Variants in GRID2 observed in about 807,000 individuals in gnomAD.
GRID2 encodes the protein glutamate receptor ionotropic, delta-2.
GRID2 carries 33 observed loss-of-function variants against 114.8 expected under a neutral mutation model. That is an observed-to-expected ratio of 0.29 (90% confidence interval 0.22 to 0.38). The LOEUF (loss-of-function observed/expected upper bound fraction) is 0.38, where lower values mean the gene tolerates loss of function less well. GRID2 is among the 10% of genes least tolerant of loss of function. The pLI, the probability that GRID2 is intolerant of heterozygous loss-of-function variation, is 1.00. For synonymous variants in GRID2, 505 were observed against 449.9 expected (o/e 1.12, Z -1.55); for missense variants, 1,184 against 1,257.7 (o/e 0.94, Z 0.89).
chr4:92,823,420 CTT>C (rs1360965423), intron 2 of GRID2, among the ~76,000 whole-genome samples: 3 of 152,108 alleles, frequency 2.0e-5, no homozygotes, highest in Admixed American at 1.3e-4. Flanking sequence ...ACATTAATAA[CTT>C]ATTGAATCCG....
intron 1 of GRID2, among the ~76,000 whole-genome samples, chr4:92,375,935 AT>A (rs904009092): frequency 6.1e-4 from 90 of 147,546 alleles, no homozygotes; most frequent in Admixed American, 2.4e-3. Context: ...GCTTACTGAT[AT>A]TTTTTTGAAA....
At chr4:92,558,588 C>A (rs898849490) in intron 1 of GRID2, among the ~76,000 whole-genome samples, 1 of 152,158 alleles carries the variant, frequency 6.6e-6, no homozygotes, top group Admixed American at 6.6e-5. Context: ...TCCAACAAGA[C>A]ATCCCTGGTG....
At chr4:92,369,737 C>T (rs1171551747) in intron 1 of GRID2, among the ~76,000 whole-genome samples, 1 of 152,060 alleles carries the variant, frequency 6.6e-6, no homozygotes, top group Non-Finnish European at 1.5e-5. Flanking sequence ...CATAGAACCA[C>T]ATAGAATTGA....
chr4:93,780,116 G>A (rs941349805), intron 1 of GRID2, among the ~76,000 whole-genome samples: 2 of 152,196 alleles, frequency 1.3e-5, no homozygotes, highest in Non-Finnish European at 2.9e-5. Context: ...GAGGTGGTAA[G>A]TGCTGTGGAG....
At chr4:92,539,743 T>C (rs2149161171) in intron 1 of GRID2, among the ~76,000 whole-genome samples, 1 of 152,298 alleles carries the variant, frequency 6.6e-6, no homozygotes, top group African/African-American at 2.4e-5. Context: ...TAGCTGTCCA[T>C]GAACTGGATC....
At chr4:92,914,058 T>G (rs929299908) in intron 2 of GRID2, among the ~76,000 whole-genome samples, 3 of 152,166 alleles carry the variant, frequency 2.0e-5, no homozygotes, top group African/African-American at 7.2e-5. Flanking sequence ...TGAATTACAT[T>G]AGTTTTATTA....
intron 13 of GRID2, among the ~76,000 whole-genome samples, chr4:93,606,246 G>A (rs923423403): frequency 3.3e-5 from 5 of 151,826 alleles, no homozygotes; most frequent in African/African-American, 7.3e-5. Flanking sequence ...CAACCTGGGC[G>A]ACAAAGAGAG....
chr4:92,332,544 G>A (rs1726949466), intron 1 of GRID2, among the ~76,000 whole-genome samples: 1 of 151,968 alleles, frequency 6.6e-6, no homozygotes, highest in African/African-American at 2.4e-5. Context: ...TCATCCTATA[G>A]TCCCCCAAAT....
intron 2 of GRID2, among the ~76,000 whole-genome samples, chr4:93,013,754 T>G (rs1455298021): frequency 6.6e-6 from 1 of 152,016 alleles, no homozygotes; most frequent in Non-Finnish European, 1.5e-5. Flanking sequence ...TAATCATTCT[T>G]AATCAGAATT....
intron 12 of GRID2, among the ~76,000 whole-genome samples, chr4:93,504,169 T>G (rs947414057): frequency 2.7e-4 from 41 of 152,192 alleles, no homozygotes; most frequent in Admixed American, 2.0e-3. Context: ...CCTCAAAAGA[T>G]CTTATAGAGG....
At chr4:93,344,142 T>C (rs1365090835) in intron 8 of GRID2, among the ~76,000 whole-genome samples, 2 of 151,978 alleles carry the variant, frequency 1.3e-5, no homozygotes, top group Non-Finnish European at 2.9e-5. Context: ...TCAGAAGTAA[T>C]AGGTAATAGG....
intron 1 of GRID2, among the ~76,000 whole-genome samples, chr4:92,417,791 G>A (rs909033444): frequency 1.3e-5 from 2 of 152,070 alleles, no homozygotes; most frequent in Admixed American, 6.6e-5. Flanking sequence ...GTCATGGGAC[G>A]GACCCAGTAG....
chr4:93,364,792 T>C (rs1212085142), intron 8 of GRID2, among the ~76,000 whole-genome samples: 2 of 152,024 alleles, frequency 1.3e-5, no homozygotes, highest in Non-Finnish European at 2.9e-5. Context: ...TTCTGGAAAA[T>C]CTTAAGGCCT....
chr4:93,243,718 T>G (rs1040970459), intron 8 of GRID2, among the ~76,000 whole-genome samples: 2 of 152,102 alleles, frequency 1.3e-5, no homozygotes, highest in Admixed American at 6.6e-5. Flanking sequence ...GTGGAAGGGA[T>G]TATTTGATTC....
At chr4:92,911,274 T>C (rs894013886) in intron 2 of GRID2, among the ~76,000 whole-genome samples, 4 of 152,024 alleles carry the variant, frequency 2.6e-5, no homozygotes, top group Admixed American at 6.6e-5. Context: ...ATAATAAAAA[T>C]GGTATATTTT....
intron 10 of GRID2, among the ~76,000 whole-genome samples, chr4:93,439,081 G>A (rs3857065): frequency 0.68 from 102,677 of 151,900 alleles, 35,173 homozygotes; most frequent in African/African-American, 0.79. Flanking sequence ...CCAGTCTATC[G>A]TTGTTGGACA....
chr4:92,972,934 A>G (rs909118489), intron 2 of GRID2, among the ~76,000 whole-genome samples: 2 of 152,120 alleles, frequency 1.3e-5, no homozygotes, highest in African/African-American at 4.8e-5. Context: ...AAAGGAAATG[A>G]TCTCAGTCTT....
chr4:93,074,214 T>C (rs1729064295), intron 2 of GRID2, among the ~76,000 whole-genome samples: 1 of 152,202 alleles, frequency 6.6e-6, no homozygotes, highest in South Asian at 2.1e-4. Flanking sequence ...ACTAGATTGC[T>C]ACAGCCATAC....
intron 10 of GRID2, among the ~76,000 whole-genome samples, chr4:93,450,316 A>G (rs905074683): frequency 1.3e-5 from 2 of 151,896 alleles, no homozygotes; most frequent in African/African-American, 4.8e-5. Flanking sequence ...TTCATTATAA[A>G]ATCAAAGTTT....
Sources: gnomAD v4.1 joint callset for allele counts (sites outside exome capture counted in the v4.1 genomes callset) on GRCh38, gnomAD v4.1.1 for gene constraint, MANE v1.5 for transcripts, NCBI Gene and HGNC (gene_info 2026-07-23, HGNC 2026-07-21) for gene names.